Variants in RNF213 observed in about 807,000 individuals in gnomAD.
RNF213 encodes the protein E3 ubiquitin-protein ligase RNF213.
Under a neutral mutation model 514.4 loss-of-function variants are expected in RNF213, and 341 were observed. The observed-to-expected ratio is 0.66, with a 90% CI of 0.61 to 0.73. The LOEUF (loss-of-function observed/expected upper bound fraction) is 0.73, where lower values mean the gene tolerates loss of function less well. Ranked by LOEUF, RNF213 falls within the 30% of genes least tolerant of loss-of-function variation. The pLI, the probability that RNF213 is intolerant of heterozygous loss-of-function variation, is 0.00. For missense variants in RNF213, 5,767 were observed against 6,615.6 expected, an observed-to-expected ratio of 0.87 and a Z score of 4.45; for synonymous variants, 2,655 against 2,658.2, an observed-to-expected ratio of 1.00 and a Z score of 0.04.
In RNF213 at chr17:80,345,166, C is replaced by T. The variant is rs1259414582; in HGVS notation, c.6831C>T (p.His2277=). Residue 2277 remains histidine (H), a synonymous_variant, in exon 29 of 68, where the codon CAC becomes CAT. Coordinates refer to ENST00000582970, the MANE Select transcript of RNF213 (RefSeq NM_001256071.3). The surrounding 1 kb of genome is among the most constrained non-coding windows in gnomAD (Gnocchi z 6.0). The stretch of plus-strand genomic sequence containing the variant: ...CCTCTGACCAAAGCCCGGGGAAGCA[C>T]ATGGTCACCATGGATGGGGTTAGGG... ...LHTSDQSPGK[H]MVTMDGVREE... 6.8e-6 allele frequency: 11 copies of T among 1,614,154 alleles called. No homozygotes were observed. Among genetic ancestry groups the T allele is most frequent in the Non-Finnish European group, 9.3e-6 (11 of 1,180,034 alleles).
chr17:80,381,392 A>T, intron 56 of RNF213, 155 bp from the exon 57 acceptor site: 1 of 786,188 alleles, frequency 1.3e-6, no homozygotes. Context: ...TCCGCTTGCT[A>T]GCCTTCCTTT....
At chr17:80,269,821 A>G (rs80326542) in intron 2 of RNF213, among the ~76,000 whole-genome samples, 3,201 of 152,274 alleles carry the variant, frequency 0.021, 118 homozygotes, top group African/African-American at 0.073. Context: ...TACATATTCT[A>G]TAGTTCTGCT....
intron 3 of RNF213, among the ~76,000 whole-genome samples, chr17:80,282,796 A>C (rs1043806361): frequency 1.3e-5 from 2 of 151,442 alleles, no homozygotes; most frequent in African/African-American, 4.9e-5. Flanking sequence ...TCCTAGGTTC[A>C]AGTGATTTCT....
rs549647379 is a variant in RNF213, at chr17:80,393,360, C to T, written c.15486C>T (p.Leu5162=). Reference sequence around the variant, plus strand: ...GGTTTTTCAGCCTGAGAGACACTCTCGTAAGTTACATGCAAACTAAAGAAA... The same window carrying T: ...GGTTTTTCAGCCTGAGAGACACTCTTGTAAGTTACATGCAAACTAAAGAAA... The part of the protein sequence containing the change: ...FRPQWSLRDT[L]VSYMQTKESE... The change falls in exon 68 of 68, where the codon CTC becomes CTT. Residue 5162 remains leucine (L), a synonymous_variant. Transcript: ENST00000582970. 6.6e-5 allele frequency: 107 copies of T among 1,614,028 alleles called. No homozygotes were observed. Among genetic ancestry groups the T allele is most frequent in the South Asian group, 1.9e-4 (17 of 91,068 alleles).
At chr17:80,289,964 T>A in intron 6 of RNF213, 127 bp downstream of exon 6, 2 of 1,088,452 alleles carry the variant, frequency 1.8e-6, no homozygotes, top group Admixed American at 2.1e-5. Context: ...AGTTTAACTT[T>A]GGGGGAAAAG....
At chr17:80,352,634 C>A in intron 32 of RNF213, 1 of 599,088 alleles carries the variant, frequency 1.7e-6, no homozygotes, top group South Asian at 2.0e-5. Flanking sequence ...TGTGATACAG[C>A]AAATACAACA....
chr17:80,370,228 C>A (rs1351138595), intron 46 of RNF213, among the ~76,000 whole-genome samples: 3 of 152,136 alleles, frequency 2.0e-5, no homozygotes, highest in African/African-American at 7.2e-5. Flanking sequence ...ATCCTGCTCA[C>A]CCTGAATGTC....
At chr17:80,294,643 A>G in intron 8 of RNF213, 77 bp from the exon 9 acceptor site, 1 of 1,547,934 alleles carries the variant, frequency 6.5e-7, no homozygotes, top group East Asian at 2.2e-5. Flanking sequence ...AGTCGTGATC[A>G]GCCTTCTAGG....
rs377477759 is a variant in RNF213 at position 80,374,603 on chromosome 17, G to T, written c.13074+14G>T. On this transcript the variant is annotated intron_variant, in intron 50 of 67. Coordinates refer to ENST00000582970, the MANE Select transcript of RNF213 (RefSeq NM_001256071.3). ...ACTGCTCTGAAGGTAGGATGGGCCC[G>T]TGGCTTCTCTCTGATACCAGGTGGC... is the stretch of plus-strand genomic sequence containing the variant. 6.2e-7 allele frequency: 1 copy of T among 1,613,746 alleles called. No individual in the cohort carries two copies. Among genetic ancestry groups the T allele is most frequent in the Admixed American group, 1.7e-5 (1 of 59,990 alleles).
chr17:80,331,390 C>CT (rs35912728), intron 20 of RNF213, among the ~76,000 whole-genome samples: 72,397 of 136,244 alleles, frequency 0.53, 20,318 homozygotes, highest in Non-Finnish European at 0.63. Context: ...CAGTTTATGA[C>CT]TTTTTTTTTT....
Position 80,343,277 on chromosome 17 carries a change from G to A in RNF213, c.6135G>A (p.Ala2045=), listed in dbSNP as rs779373941. 3.3e-5 allele frequency: 54 copies of A among 1,613,412 alleles called. No homozygotes were observed. Among genetic ancestry groups the A allele is most frequent in the Non-Finnish European group, 4.2e-5 (49 of 1,179,824 alleles). ...VLGALLPFLD[A]QYQKVPVLFH... ...GCGCCCTGCTGCCCTTCCTGGATGC[G>A]CAGTATCAGAAGGTCCCCGTGCTCT... Residue 2045 remains alanine (A), a synonymous_variant, in exon 27 of 68, where the codon GCG becomes GCA. Transcript: ENST00000582970. The surrounding 1 kb of genome is among the most constrained non-coding windows in gnomAD (Gnocchi z 4.3).
intron 3 of RNF213, chr17:80,278,656 G>A (rs1002827995): frequency 5.7e-6 from 8 of 1,399,434 alleles, no homozygotes; most frequent in Non-Finnish European, 6.7e-6. Context: ...CCCTGCCTGG[G>A]CCTTCCCAAG....
Position 80,345,925 on chromosome 17 carries a change from C to T in RNF213, c.7590C>T (p.His2530=). Residue 2530 remains histidine (H), a synonymous_variant, in exon 29 of 68, where the codon CAC becomes CAT. Coordinates refer to ENST00000582970, the MANE Select transcript of RNF213 (RefSeq NM_001256071.3). This position sits in a 1 kb window ranked among gnomAD's most constrained non-coding sequence, Gnocchi z 6.0. ...CTGCCTGCAATCCATACCGGAAGCA[C>T]TCTGAGGAGATGATCTGCCGTTTGG... ...IIAACNPYRK[H]SEEMICRLES... 6.2e-7 allele frequency: 1 copy of T among 1,614,226 alleles called. No individual in the cohort carries two copies. Among genetic ancestry groups the T allele is most frequent in the Admixed American group, 1.7e-5 (1 of 60,026 alleles).
At chr17:80,385,003 A>ATAAAAATT in intron 59 of RNF213, 36 bp from the exon 60 acceptor site, 1 of 1,612,192 alleles carries the variant, frequency 6.2e-7, no homozygotes, top group Non-Finnish European at 8.5e-7. Flanking sequence ...TTTTAGGTAA[A>ATAAAAATT]TAAAAATTGT....
chr17:80,346,270 G>C lies in RNF213; in HGVS notation c.7935G>C (p.Val2645=), dbSNP rs765431873. 1 of 1,614,180 alleles carries C rather than the reference G, an allele frequency of 6.2e-7. No individual in the cohort carries two copies. Among genetic ancestry groups the C allele is most frequent in the South Asian group, 1.1e-5 (1 of 91,078 alleles). The change falls in exon 29 of 68, where the codon GTG becomes GTC. Residue 2645 remains valine, a synonymous_variant. Coordinates refer to ENST00000582970, the MANE Select transcript of RNF213 (RefSeq NM_001256071.3). The surrounding 1 kb of genome is among the most constrained non-coding windows in gnomAD (Gnocchi z 8.1). ...FVSLRDVERC[V]KVFRWFHEHS... ...GCCTCAGGGACGTGGAGCGCTGTGT[G>C]AAAGTTTTCAGGTGGTTCCACGAGC... is the stretch of plus-strand genomic sequence containing the variant.
At chr17:80,340,487 G>T in intron 26 of RNF213, 131 bp downstream of exon 26, 1 of 873,592 alleles carries the variant, frequency 1.1e-6, no homozygotes, top group Non-Finnish European at 1.8e-6. Context: ...TCATCTGTGG[G>T]TGTCAATCAG....
chr17:80,260,926 C>T (rs2043391016), intron 1 of RNF213, 24 bp downstream of exon 1: 1 of 151,024 alleles, frequency 6.6e-6, no homozygotes, highest in African/African-American at 2.4e-5. Context: ...TGGAGAGTCT[C>T]CCGGGGCGGG....
chr17:80,318,808 C>T (rs896316737), intron 16 of RNF213, among the ~76,000 whole-genome samples: 16 of 152,234 alleles, frequency 1.1e-4, no homozygotes, highest in African/African-American at 3.4e-4. Context: ...CTCCTGACCT[C>T]GTGATCCACC....
At chr17:80,334,582 C>T (rs531946326) in intron 22 of RNF213, among the ~76,000 whole-genome samples, 1 of 151,786 alleles carries the variant, frequency 6.6e-6, no homozygotes, top group Admixed American at 6.6e-5. Context: ...TAGATTTTTA[C>T]TGGAGGACAA....
Sources: allele counts gnomAD v4.1 joint callset (sites outside exome capture counted in the v4.1 genomes callset), GRCh38; gene constraint gnomAD v4.1.1; non-coding constraint Gnocchi (gnomAD v3.1); transcripts MANE v1.5; gene names NCBI Gene and HGNC (gene_info 2026-07-23, HGNC 2026-07-21).